FHIT: variants seen among roughly 807,000 people sequenced by gnomAD.
FHIT encodes the protein fragile histidine triad diadenosine triphosphatase, also known as bis(5'-adenosyl)-triphosphatase.
Under a neutral mutation model 17.9 loss-of-function variants are expected in FHIT, and 19 were observed. The ratio of observed to expected loss-of-function variants is 1.06; its 90% CI spans 0.74 to 1.56. The LOEUF is 1.56. Among genes scored for constraint, FHIT ranks in the 40% most tolerant of loss-of-function variants. The pLI is 0.00. For synonymous variants in FHIT, 81 were observed against 69.7 expected (o/e 1.16, Z -0.81); for missense variants, 248 against 189.2 (o/e 1.31, Z -1.82).
At chr3:60,490,020 G>A (rs537759640) in intron 5 of FHIT, among the ~76,000 whole-genome samples, 1 of 152,016 alleles carries the variant, frequency 6.6e-6, no homozygotes, top group East Asian at 1.9e-4. Context: ...GGCTACTTTT[G>A]ACCAAAATGA....
At chr3:60,685,180 A>C (rs534704327) in intron 4 of FHIT, among the ~76,000 whole-genome samples, 3 of 152,170 alleles carry the variant, frequency 2.0e-5, no homozygotes, top group African/African-American at 7.2e-5. Flanking sequence ...AATTCAGTAC[A>C]TAGGTGTTCA....
intron 3 of FHIT, among the ~76,000 whole-genome samples, chr3:60,882,749 C>G (rs762410303): frequency 6.6e-6 from 1 of 152,004 alleles, no homozygotes; most frequent in Non-Finnish European, 1.5e-5. Context: ...CAAATCCATA[C>G]CTAACATTAT....
At chr3:60,863,355 T>C (rs2107015021) in intron 3 of FHIT, among the ~76,000 whole-genome samples, 1 of 152,334 alleles carries the variant, frequency 6.6e-6, no homozygotes, top group East Asian at 1.9e-4. Context: ...GATACCTCGA[T>C]TTTAGCCCAG....
At chr3:60,116,504 T>C (rs756987046) in intron 5 of FHIT, among the ~76,000 whole-genome samples, 5 of 152,330 alleles carry the variant, frequency 3.3e-5, no homozygotes, top group East Asian at 3.9e-4. Flanking sequence ...CTCCTTGAGA[T>C]ACTGTTTACC....
In FHIT at chr3:60,079,731, A is replaced by G. The variant is rs77148684; in HGVS notation, c.104-65579T>C. Among the ~76,000 whole-genome samples the G allele has an allele frequency of 4.4e-4, 67 of 152,198 alleles. 1 individual carries two copies. The East Asian group carries it at 0.012, about 28-fold the overall frequency. On this transcript the variant is annotated intron_variant, in intron 5 of 9. Transcript: ENST00000492590. ...CTTACTTCACCACCTGTCAAGTTTT[A>G]AGTTTTTCCTCCAACTCACACTAAC...
chr3:60,712,869 G>A (rs1231839313), intron 4 of FHIT, among the ~76,000 whole-genome samples: 15 of 145,404 alleles, frequency 1.0e-4, no homozygotes, highest in African/African-American at 1.8e-4. Context: ...ACAGATCAAC[G>A]AGACAGAAAG....
intron 1 of FHIT, among the ~76,000 whole-genome samples, chr3:61,214,072 C>T (rs1444058194): frequency 6.6e-6 from 1 of 152,264 alleles, no homozygotes. Context: ...CCAAAATTGA[C>T]ACCCTAACAT....
At chr3:60,660,810 G>A (rs1469034026) in intron 4 of FHIT, among the ~76,000 whole-genome samples, 2 of 106,588 alleles carry the variant, frequency 1.9e-5, no homozygotes, top group Admixed American at 1.2e-4. Flanking sequence ...TTTTCTAATT[G>A]GACTGTTTGG....
intron 5 of FHIT, among the ~76,000 whole-genome samples, chr3:60,096,594 C>T (rs1297531070): frequency 6.6e-6 from 1 of 152,146 alleles, no homozygotes; most frequent in Non-Finnish European, 1.5e-5. Context: ...ATTTGGCTGC[C>T]TCCTACTGTC....
At chr3:59,905,339 C>A (rs1704537181) in intron 8 of FHIT, among the ~76,000 whole-genome samples, 1 of 152,120 alleles carries the variant, frequency 6.6e-6, no homozygotes, top group Non-Finnish European at 1.5e-5. Flanking sequence ...AAGTTTCTAG[C>A]CTGGATTTTT....
At chr3:60,687,696 A>G (rs1020697763) in intron 4 of FHIT, among the ~76,000 whole-genome samples, 5 of 152,120 alleles carry the variant, frequency 3.3e-5, no homozygotes, top group Non-Finnish European at 7.4e-5. Context: ...TTAGATTATT[A>G]AAATATTCTA....
chr3:60,707,721 G>A (rs1297040156), intron 4 of FHIT, among the ~76,000 whole-genome samples: 1 of 152,114 alleles, frequency 6.6e-6, no homozygotes, highest in Non-Finnish European at 1.5e-5. Flanking sequence ...TATCCTATCA[G>A]ATTAGAAAAT....
intron 3 of FHIT, among the ~76,000 whole-genome samples, chr3:61,003,400 C>G (rs1464343611): frequency 6.6e-6 from 1 of 152,146 alleles, no homozygotes; most frequent in Admixed American, 6.5e-5. Context: ...CTGAATTGAC[C>G]AAGCACTACC....
rs576377733 is a variant in FHIT at position 60,434,544 on chromosome 3, G to T, written c.103+102316C>A. ...CTAGTCCCCCACCAGGACCTCTGGA[G>T]TAATGTCACATTTCCTTGCCACTGA... On this transcript the variant is annotated intron_variant, in intron 5 of 9. Transcript: ENST00000492590. Among the ~76,000 whole-genome samples the T allele has an allele frequency of 1.1e-4, 16 of 152,182 alleles. No homozygotes were observed. The South Asian group carries it at 2.3e-3, about 22-fold the overall frequency.
chr3:61,023,822 T>C (rs564425759), intron 3 of FHIT, among the ~76,000 whole-genome samples: 1 of 152,106 alleles, frequency 6.6e-6, no homozygotes, highest in Non-Finnish European at 1.5e-5. Flanking sequence ...CTGGATCCCT[T>C]CCTTACTCCT....
intron 8 of FHIT, among the ~76,000 whole-genome samples, chr3:59,906,396 T>A (rs1273928367): frequency 6.6e-6 from 1 of 152,238 alleles, no homozygotes; most frequent in Non-Finnish European, 1.5e-5. Context: ...ATATTAAAAA[T>A]TTCCCTCATT....
intron 8 of FHIT, among the ~76,000 whole-genome samples, chr3:59,794,428 T>G (rs1699695615): frequency 6.6e-6 from 1 of 152,140 alleles, no homozygotes; most frequent in Admixed American, 6.5e-5. Context: ...CCAGTGGGTT[T>G]TCCTCCATTG....
intron 5 of FHIT, among the ~76,000 whole-genome samples, chr3:60,451,649 G>A (rs1013718382): frequency 2.6e-5 from 4 of 151,966 alleles, no homozygotes; most frequent in African/African-American, 7.3e-5. Context: ...AAGTATCTAC[G>A]GAAAATCTCA....
intron 3 of FHIT, among the ~76,000 whole-genome samples, chr3:61,014,807 A>AAAAAATAT (rs1553798839): frequency 8.1e-5 from 4 of 49,116 alleles, no homozygotes; most frequent in African/African-American, 2.2e-4. Context: ...AAAAAAAAAA[A>AAAAAATAT]ATATATATAT....
Sources: gnomAD v4.1 joint callset for allele counts (sites outside exome capture counted in the v4.1 genomes callset) on GRCh38, gnomAD v4.1.1 for gene constraint, MANE v1.5 for transcripts, NCBI Gene and HGNC (gene_info 2026-07-23, HGNC 2026-07-21) for gene names.